Variants in CS observed in about 807,000 individuals in gnomAD.
CS encodes citrate synthase.
CS carries 13 observed loss-of-function variants against 61.4 expected under a neutral mutation model. That is an observed-to-expected ratio of 0.21 (90% CI 0.14 to 0.34). The LOEUF (loss-of-function observed/expected upper bound fraction) is 0.34. CS is among the 10% of genes least tolerant of loss of function. The pLI is 1.00. For synonymous variants in CS, 159 were observed against 215.2 expected, an observed-to-expected ratio of 0.74 and a Z score of 2.29; for missense variants, 278 against 573.4, an observed-to-expected ratio of 0.48 and a Z score of 5.26.
At chr12:56,296,999 G>A (rs1180686801) in intron 1 of CS, among the ~76,000 whole-genome samples, 2 of 152,168 alleles carry the variant, frequency 1.3e-5, no homozygotes, top group Admixed American at 1.3e-4. Context: ...ACTTATACAG[G>A]TGATGTTGTA....
At chr12:56,290,712 TA>T (rs1873095047) in intron 1 of CS, among the ~76,000 whole-genome samples, 1 of 151,624 alleles carries the variant, frequency 6.6e-6, no homozygotes, top group Non-Finnish European at 1.5e-5. Flanking sequence ...AATTTGGAGT[TA>T]GGAAAGGAAG....
intron 6 of CS, among the ~76,000 whole-genome samples, chr12:56,280,782 T>A (rs1459546207): frequency 1.3e-5 from 2 of 152,132 alleles, no homozygotes; most frequent in Non-Finnish European, 2.9e-5. Context: ...TACCTGCTAA[T>A]GTGTGCAGGT....
At chr12:56,287,657 TTTTC>T (rs779618025) in intron 1 of CS, among the ~76,000 whole-genome samples, 18 of 152,094 alleles carry the variant, frequency 1.2e-4, no homozygotes, top group East Asian at 1.9e-4. Context: ...TTCTTTTTCC[TTTTC>T]TTTATTTTTT....
chr12:56,297,481 C>T (rs187958995), intron 1 of CS, among the ~76,000 whole-genome samples: 2 of 152,192 alleles, frequency 1.3e-5, no homozygotes, highest in African/African-American at 4.8e-5. Flanking sequence ...CATGTTGTCT[C>T]CTAGTAAGGT....
At chr12:56,279,606 A>T (rs1031299169) in intron 6 of CS, among the ~76,000 whole-genome samples, 11 of 152,042 alleles carry the variant, frequency 7.2e-5, no homozygotes, top group African/African-American at 2.7e-4. Flanking sequence ...CTCTACTAAA[A>T]ATACAAAAAA....
chr12:56,292,145 C>T (rs1873144819), intron 1 of CS, among the ~76,000 whole-genome samples: 1 of 152,196 alleles, frequency 6.6e-6, no homozygotes, highest in Non-Finnish European at 1.5e-5. Flanking sequence ...AGCCTGTAAT[C>T]CCAGCACTTT....
chr12:56,289,188 A>T (rs1007977422), intron 1 of CS, among the ~76,000 whole-genome samples: 1 of 152,224 alleles, frequency 6.6e-6, no homozygotes, highest in African/African-American at 2.4e-5. Context: ...CTACATGGGC[A>T]AACAGGAAGC....
rs1318617181 is a variant in CS at position 56,273,963 on chromosome 12, A to G, written c.1021-167T>C. ...ATTCTCCCACTTCAGCCTCCAGAGT[A>G]GCTGGGACCACAGGTGCACACCAAC... is the stretch of plus-strand genomic sequence containing the variant. On this transcript the variant is annotated intron_variant, in intron 9 of 10. Coordinates refer to ENST00000351328, the MANE Select transcript of CS (RefSeq NM_004077.3). 5.2e-6 allele frequency: 3 copies of G among 573,530 alleles called. No individual in the cohort carries two copies. In the African/African-American group the frequency reaches 5.7e-5, roughly 11 times the overall value. The allele number at this position is 573,530 out of a possible 1,614,324, so 35.5% of individuals were successfully genotyped here. A position where few individuals can be genotyped will look rare whatever the true frequency, so the allele number is the denominator to read the frequency against.
intron 4 of CS, among the ~76,000 whole-genome samples, chr12:56,283,307 G>A (rs982964846): frequency 2.6e-5 from 4 of 152,022 alleles, no homozygotes; most frequent in African/African-American, 7.2e-5. Context: ...GCAGTGGTGC[G>A]ATCTCGGCTC....
chr12:56,278,222 C>T (rs896273998), intron 6 of CS, among the ~76,000 whole-genome samples: 4 of 152,168 alleles, frequency 2.6e-5, no homozygotes, highest in African/African-American at 4.8e-5. Context: ...CCTCCGCCTC[C>T]GGGGTTCAAG....
At chr12:56,299,300 T>C (rs1220185364) in intron 1 of CS, among the ~76,000 whole-genome samples, 1 of 152,140 alleles carries the variant, frequency 6.6e-6, no homozygotes, top group Non-Finnish European at 1.5e-5. Flanking sequence ...TGCAACAGTA[T>C]TTCTATGTCC....
intron 3 of CS, chr12:56,285,254 A>C (rs1872907530): frequency 2.2e-6 from 1 of 447,432 alleles, no homozygotes; most frequent in Non-Finnish European, 4.5e-6. Flanking sequence ...CCTGGAAATG[A>C]AATTTTTTAA....
At chr12:56,293,796 C>T (rs1412160563) in intron 1 of CS, among the ~76,000 whole-genome samples, 1 of 152,194 alleles carries the variant, frequency 6.6e-6, no homozygotes, top group African/African-American at 2.4e-5. Context: ...GGGACTTCGT[C>T]CTTCATCAAC....
rs1488309079 is a variant in CS at position 56,300,290 on chromosome 12, G to A, written c.-89C>T. 6 of 1,369,140 alleles carry A rather than the reference G, an allele frequency of 4.4e-6. No homozygotes were observed. Among genetic ancestry groups the A allele is most frequent in the Non-Finnish European group, 6.0e-6 (6 of 1,001,676 alleles). 84.8% of individuals were successfully genotyped at this position (1,369,140 alleles called of 1,614,324 possible). A position where few individuals can be genotyped will look rare whatever the true frequency, so the allele number is the denominator to read the frequency against. On this transcript the variant is annotated 5_prime_UTR_variant, in exon 1 of 11. Coordinates refer to ENST00000351328, the MANE Select transcript of CS (RefSeq NM_004077.3). Reference sequence around the variant, plus strand: ...AGCCGCCGCCGCTGCACCAGAGGCCGCGCCGACGGGTTGACAAGGTTGAAA... The same window carrying A: ...AGCCGCCGCCGCTGCACCAGAGGCCACGCCGACGGGTTGACAAGGTTGAAA...
intron 1 of CS, among the ~76,000 whole-genome samples, chr12:56,288,547 G>A (rs1183297044): frequency 6.6e-6 from 1 of 151,730 alleles, no homozygotes; most frequent in Non-Finnish European, 1.5e-5. Context: ...TGTTGTCCAG[G>A]CTGGTCTCAA....
In CS at chr12:56,272,094, C is replaced by T. The variant is rs950375568; in HGVS notation, c.*990G>A. On this transcript the variant is annotated 3_prime_UTR_variant, in exon 11 of 11. Transcript: ENST00000351328. ...CCCAGTACCTGATAATCAGAGGAGA[C>T]CATGTCCAATCTTGAATCAATTCCC... 6 of 324,446 alleles carry T rather than the reference C, an allele frequency of 1.8e-5. No individual in the cohort carries two copies. The highest frequency in any genetic ancestry group is 1.3e-4 in the African/African-American group (6 of 45,216). The allele number at this position is 324,446 out of a possible 1,614,324, so 20.1% of individuals were successfully genotyped here. A position where few individuals can be genotyped will look rare whatever the true frequency, so the allele number is the denominator to read the frequency against.
At chr12:56,289,954 C>T (rs1041195105) in intron 1 of CS, among the ~76,000 whole-genome samples, 1 of 151,906 alleles carries the variant, frequency 6.6e-6, no homozygotes, top group Non-Finnish European at 1.5e-5. Flanking sequence ...AGTGCAGTGG[C>T]TTGATCTTGG....
intron 1 of CS, chr12:56,291,251 T>A: frequency 8.9e-7 from 1 of 1,126,390 alleles, no homozygotes; most frequent in Non-Finnish European, 1.1e-6. Context: ...GGGAGTTGGA[T>A]CCCAGGAAAG....
intron 1 of CS, among the ~76,000 whole-genome samples, chr12:56,299,519 G>A (rs763828728): frequency 8.5e-5 from 13 of 152,144 alleles, no homozygotes; most frequent in Non-Finnish European, 1.9e-4. Flanking sequence ...AATCATGTAT[G>A]ATAGTCATGC....
Sources: gnomAD v4.1 joint callset for allele counts (sites outside exome capture counted in the v4.1 genomes callset) on GRCh38, gnomAD v4.1.1 for gene constraint, MANE v1.5 for transcripts, NCBI Gene and HGNC (gene_info 2026-07-23, HGNC 2026-07-21) for gene names.